The following DOCK10 variants were observed in gnomAD, a reference collection of about 807,000 sequenced individuals.
The protein encoded by DOCK10 is dedicator of cytokinesis 10.
A neutral mutation model predicts 280.1 loss-of-function variants in DOCK10; 145 were observed. The observed-to-expected ratio is 0.52, with a 90% CI of 0.45 to 0.59. The LOEUF is 0.59. Ranked by LOEUF, DOCK10 falls within the 20% of genes least tolerant of loss-of-function variation. DOCK10 has a pLI of 0.00. For synonymous variants in DOCK10, 915 were observed against 942.2 expected, an observed-to-expected ratio of 0.97 and a Z score of 0.53; for missense variants, 2,368 against 2,651.7, an observed-to-expected ratio of 0.89 and a Z score of 2.35.
At chr2:224,907,966 T>C (rs1285142840) in intron 3 of DOCK10, among the ~76,000 whole-genome samples, 1 of 152,212 alleles carries the variant, frequency 6.6e-6, no homozygotes, top group Non-Finnish European at 1.5e-5. Context: ...CATGGTCAAA[T>C]ACATTTTAGA....
Position 224,787,266 on chromosome 2 carries a change from A to G in DOCK10, c.5541+9T>C. ...TTTTAATTAACTTCTAGGGGGTTGG[A>G]ATACATACTTTGAAGTCTCGTTGTT... On this transcript the variant is annotated intron_variant, in intron 49 of 55. Transcript: ENST00000258390. 6.2e-7 allele frequency: 1 copy of G among 1,613,996 alleles called. No homozygotes were observed. The highest frequency in any genetic ancestry group is 8.5e-7 in the Non-Finnish European group (1 of 1,179,886).
chr2:224,998,460 A>G (rs1706335555), intron 1 of DOCK10, among the ~76,000 whole-genome samples: 1 of 152,114 alleles, frequency 6.6e-6, no homozygotes, highest in African/African-American at 2.4e-5. Context: ...GTCAGATGCA[A>G]GGGAAGGTTT....
In DOCK10 at chr2:224,993,496, G is replaced by C. The variant is rs113231975; in HGVS notation, c.123+48756C>G. Among the ~76,000 whole-genome samples the C allele has an allele frequency of 3.0e-3, 456 of 152,312 alleles. 2 individuals are homozygous for C. The highest frequency in any genetic ancestry group is 9.9e-3 in the African/African-American group (413 of 41,562). ...CAGCAGCTCACGAAGTGAGTCAACTGTGCCTTCCATTGCAGGGTGGCATTA... is the reference window on the plus strand; with the variant it reads ...CAGCAGCTCACGAAGTGAGTCAACTCTGCCTTCCATTGCAGGGTGGCATTA... On this transcript the variant is annotated intron_variant, in intron 1 of 55. Transcript: ENST00000258390.
chr2:224,831,886 G>T (rs1695263714), intron 26 of DOCK10, among the ~76,000 whole-genome samples: 1 of 152,152 alleles, frequency 6.6e-6, no homozygotes, highest in Non-Finnish European at 1.5e-5. Context: ...TGAGCAAGAG[G>T]GTCTTGGGGT....
intron 1 of DOCK10, among the ~76,000 whole-genome samples, chr2:224,990,500 T>A (rs769598331): frequency 3.4e-4 from 51 of 152,234 alleles, no homozygotes; most frequent in Non-Finnish European, 6.2e-4. Context: ...ATGGTAAGAA[T>A]TCAACAAATT....
At chr2:224,958,164 C>T (rs993385731) in intron 1 of DOCK10, among the ~76,000 whole-genome samples, 6 of 152,186 alleles carry the variant, frequency 3.9e-5, no homozygotes, top group Non-Finnish European at 5.9e-5. Context: ...AAGTGCTTAG[C>T]GCCATGTGTG....
In DOCK10 at chr2:224,770,928, ATTTTTTTCTTTC is replaced by A. The variant is rs1690399294; in HGVS notation, c.6205-295_6205-284del. ...ATATCTGTACGTTGCTTGAACTACT[ATTTTTTTCTTTC>A]TTTTTTTCTTTGTTAGAGACAGGGT... On this transcript the variant is annotated intron_variant, in intron 53 of 55. Transcript: ENST00000258390. This position sits in a 1 kb window ranked among gnomAD's most constrained non-coding sequence, Gnocchi z 4.5. Among the ~76,000 whole-genome samples, 1 of 149,544 alleles carries A rather than the reference ATTTTTTTCTTTC, an allele frequency of 6.7e-6. No individual in the cohort carries two copies. Among genetic ancestry groups the A allele is most frequent in the African/African-American group, 2.5e-5 (1 of 40,518 alleles).
intron 14 of DOCK10, chr2:224,861,649 T>C (rs576766419): frequency 6.6e-6 from 1 of 152,364 alleles, no homozygotes; most frequent in African/African-American, 2.4e-5. Flanking sequence ...AAAAATGGCA[T>C]AATTAACAGG....
At chr2:224,995,590 G>T (rs185537268) in intron 1 of DOCK10, among the ~76,000 whole-genome samples, 4 of 152,278 alleles carry the variant, frequency 2.6e-5, no homozygotes, top group Non-Finnish European at 4.4e-5. Context: ...TGTCCACAGG[G>T]ACTTGCTTCC....
chr2:224,803,367 G>A (rs1025291989), intron 39 of DOCK10, among the ~76,000 whole-genome samples: 10 of 151,766 alleles, frequency 6.6e-5, no homozygotes, highest in East Asian at 1.9e-4. Context: ...TGATTTATTC[G>A]CTATGTACGA....
At chr2:224,802,173 A>G (rs1350562022) in intron 39 of DOCK10, 133 bp from the exon 40 acceptor site, 5 of 904,054 alleles carry the variant, frequency 5.5e-6, no homozygotes, top group African/African-American at 3.4e-5. Context: ...TTTATTACAA[A>G]TATTAATTAT....
chr2:224,774,944 C>G lies in DOCK10; in HGVS notation c.5974G>C (p.Gly1992Arg), dbSNP rs971948540. ...PFTLSGKKHG[G>R]VAEQCKRRTI... ...CGCCGCTTGCACTGCTCCGCCACCC[C>G]ACCGTGCTTCTTGCCCGACAGCGTG... Residue 1992 changes from glycine to arginine, a missense_variant, in exon 52 of 56, where the codon GGG becomes CGG. This residue lies in a region of DOCK10 where 1,159 missense variants were observed against 1,400.8 expected (regional missense o/e 0.83). Transcript: ENST00000258390. 1.4e-5 allele frequency: 23 copies of G among 1,608,044 alleles called. No individual in the cohort carries two copies. The highest frequency in any genetic ancestry group is 1.6e-5 in the Non-Finnish European group (19 of 1,177,166).
intron 1 of DOCK10, among the ~76,000 whole-genome samples, chr2:224,995,156 G>A (rs925185004): frequency 3.3e-5 from 5 of 152,200 alleles, no homozygotes; most frequent in African/African-American, 9.6e-5. Flanking sequence ...AATCCAAGAC[G>A]ATAAGGAGGA....
chr2:224,853,474 A>G (rs1165989055), intron 16 of DOCK10, among the ~76,000 whole-genome samples: 2 of 152,246 alleles, frequency 1.3e-5, no homozygotes, highest in African/African-American at 4.8e-5. Flanking sequence ...CTTTGCTATA[A>G]CACTATAAAA....
Position 224,832,499 on chromosome 2 carries a change from A to G in DOCK10, c.2964+1651T>C, listed in dbSNP as rs977189503. Among the ~76,000 whole-genome samples, 9 of 152,212 alleles carry G rather than the reference A, an allele frequency of 5.9e-5. No homozygotes were observed. In the South Asian group the frequency reaches 6.2e-4, roughly 11 times the overall value. ...AGACAGTCCTAATTCCAGAAGACTGACTCAGATAAAAAAGAGAAGGGATTG... is the reference window on the plus strand; with the variant it reads ...AGACAGTCCTAATTCCAGAAGACTGGCTCAGATAAAAAAGAGAAGGGATTG... On this transcript the variant is annotated intron_variant, in intron 26 of 55. Coordinates refer to ENST00000258390, the MANE Select transcript of DOCK10 (RefSeq NM_014689.3).
intron 1 of DOCK10, among the ~76,000 whole-genome samples, chr2:224,937,838 A>G (rs1396019219): frequency 1.3e-5 from 2 of 152,228 alleles, no homozygotes; most frequent in Non-Finnish European, 2.9e-5. Context: ...TTGCAAATAG[A>G]AAAATCTAAA....
intron 1 of DOCK10, among the ~76,000 whole-genome samples, chr2:224,939,104 A>C (rs1343013617): frequency 6.6e-6 from 1 of 152,240 alleles, no homozygotes; most frequent in African/African-American, 2.4e-5. Flanking sequence ...TCTCACAAGA[A>C]ATCAATCAGC....
chr2:224,978,829 C>T (rs1705590830), intron 1 of DOCK10, among the ~76,000 whole-genome samples: 1 of 152,192 alleles, frequency 6.6e-6, no homozygotes, highest in Non-Finnish European at 1.5e-5. Context: ...TCAAACTCAG[C>T]ATCCTTAGGG....
At chr2:224,856,296 T>G (rs562015848) in intron 15 of DOCK10, among the ~76,000 whole-genome samples, 1 of 150,634 alleles carries the variant, frequency 6.6e-6, no homozygotes, top group African/African-American at 2.5e-5. Flanking sequence ...TTGTAAGAGT[T>G]TTTTTTTTAT....
Sources: allele counts gnomAD v4.1 joint callset (sites outside exome capture counted in the v4.1 genomes callset), GRCh38; gene constraint gnomAD v4.1.1; regional missense constraint gnomAD v4.1.1; non-coding constraint Gnocchi (gnomAD v3.1); transcripts MANE v1.5; gene names NCBI Gene and HGNC (gene_info 2026-07-23, HGNC 2026-07-21).